The following CRTAM variants were observed in gnomAD, a reference collection of about 807,000 sequenced individuals.
CRTAM encodes the protein cytotoxic and regulatory T-cell molecule.
CRTAM carries 44 observed loss-of-function variants against 50.0 expected under a neutral mutation model. That is an observed-to-expected ratio of 0.88 (90% confidence interval 0.69 to 1.13). CRTAM has a LOEUF of 1.13. Ranked by LOEUF, CRTAM falls within the 50% of genes most tolerant of loss-of-function variation. The probability of loss-of-function intolerance (pLI) is 0.00; values close to 1 mark genes in which losing one functional copy is unlikely to be tolerated. For missense variants in CRTAM, 448 were observed against 457.5 expected, an observed-to-expected ratio of 0.98 and a Z score of 0.19; for synonymous variants, 159 against 169.3, an observed-to-expected ratio of 0.94 and a Z score of 0.47.
chr11:122,849,028 C>T (rs934160335), intron 1 of CRTAM, among the ~76,000 whole-genome samples: 4 of 152,132 alleles, frequency 2.6e-5, no homozygotes, highest in Non-Finnish European at 5.9e-5. Context: ...AGAAATTAGA[C>T]TTGTGTTTGT....
chr11:122,864,598 T>C (rs766736698), intron 6 of CRTAM, 38 bp from the exon 7 acceptor site: 1 of 1,422,474 alleles, frequency 7.0e-7, no homozygotes, highest in Non-Finnish European at 9.9e-7. Flanking sequence ...ATGTATATAA[T>C]GCATGCATAG....
intron 7 of CRTAM, among the ~76,000 whole-genome samples, chr11:122,866,125 C>A (rs923352952): frequency 1.7e-4 from 26 of 152,156 alleles, no homozygotes; most frequent in Admixed American, 1.7e-3. Context: ...CATTAGGTGC[C>A]ATCTATTACC....
At chr11:122,860,888 G>C (rs948124176) in intron 5 of CRTAM, among the ~76,000 whole-genome samples, 1 of 152,108 alleles carries the variant, frequency 6.6e-6, no homozygotes, top group Admixed American at 6.5e-5. Context: ...GTAGAGATGG[G>C]GTCTTGCCAT....
At chr11:122,864,236 A>G (rs1040022995) in intron 6 of CRTAM, among the ~76,000 whole-genome samples, 1 of 152,202 alleles carries the variant, frequency 6.6e-6, no homozygotes, top group African/African-American at 2.4e-5. Flanking sequence ...GGATGGAAAT[A>G]TGAAATAATG....
chr11:122,851,266 T>TAAA (rs11287824), intron 2 of CRTAM, among the ~76,000 whole-genome samples: 1 of 138,678 alleles, frequency 7.2e-6, no homozygotes, highest in Non-Finnish European at 1.6e-5. Context: ...ACTCTGTCTC[T>TAAA]AAAAAAAAAA....
At chr11:122,853,751 G>T (rs951096055) in intron 3 of CRTAM, among the ~76,000 whole-genome samples, 192 bp from the exon 4 acceptor site, 2 of 151,908 alleles carry the variant, frequency 1.3e-5, no homozygotes, top group African/African-American at 4.8e-5. Flanking sequence ...CTGGGAGGTG[G>T]CGGTTTCAGT....
chr11:122,864,432 C>T (rs746496851), intron 6 of CRTAM, among the ~76,000 whole-genome samples: 1 of 152,104 alleles, frequency 6.6e-6, no homozygotes, highest in African/African-American at 2.4e-5. Flanking sequence ...ATGCCCAAAA[C>T]ATTTACCTTA....
chr11:122,851,943 G>C, intron 3 of CRTAM, 98 bp downstream of exon 3: 1 of 1,148,736 alleles, frequency 8.7e-7, no homozygotes. Flanking sequence ...ATGTTGCCTA[G>C]AGCAAGGAAT....
At chr11:122,863,511 A>C (rs1862127011) in intron 6 of CRTAM, among the ~76,000 whole-genome samples, 4 of 152,220 alleles carry the variant, frequency 2.6e-5, no homozygotes, top group Admixed American at 2.6e-4. Context: ...AAGGGCTTTC[A>C]GAGCATTATC....
chr11:122,863,251 G>GAGAGAA (rs1565292584), intron 6 of CRTAM, among the ~76,000 whole-genome samples: 2 of 71,390 alleles, frequency 2.8e-5, no homozygotes, highest in Non-Finnish European at 5.6e-5. Context: ...GAAAGAAAGA[G>GAGAGAA]AGAAAGAAAA....
Position 122,867,411 on chromosome 11 carries a change from G to A in CRTAM, c.820G>A (p.Ala274Thr), listed in dbSNP as rs200352597. Residue 274 changes from alanine (A) to threonine (T), a missense_variant and splice_region_variant, in exon 8 of 10, where the codon GCA becomes ACA. By Grantham distance (58) the Ala-to-Thr change is moderately conservative. Transcript: ENST00000227348. ...CTCCTTTTTCATTTTCCTTATAGAAGCAAATCCTCAGTATTTAGGACTGGC... is the reference window on the plus strand; with the variant it reads ...CTCCTTTTTCATTTTCCTTATAGAAACAAATCCTCAGTATTTAGGACTGGC... ...TTQDPDLTTE[A>T]NPQYLGLARK... is the part of the protein sequence containing the mutation. The A allele has an allele frequency of 4.4e-6, 7 of 1,605,308 alleles. No homozygotes were observed. The highest frequency in any genetic ancestry group is 1.1e-5 in the South Asian group (1 of 89,120).
At chr11:122,851,636 G>C in intron 2 of CRTAM, 57 bp from the exon 3 acceptor site, 1 of 1,529,622 alleles carries the variant, frequency 6.5e-7, no homozygotes, top group South Asian at 1.1e-5. Flanking sequence ...ACTGGGTAGA[G>C]GCCAACGATT....
At chr11:122,859,307 C>T (rs1036672606) in intron 5 of CRTAM, among the ~76,000 whole-genome samples, 3 of 151,946 alleles carry the variant, frequency 2.0e-5, no homozygotes, top group Admixed American at 1.3e-4. Context: ...CATGGGGTTT[C>T]GCCATGTTGG....
intron 2 of CRTAM, among the ~76,000 whole-genome samples, 193 bp downstream of exon 2, chr11:122,850,407 T>C (rs1861916058): frequency 6.6e-6 from 1 of 152,138 alleles, no homozygotes; most frequent in East Asian, 1.9e-4. Context: ...GCAGGAACTG[T>C]GAAATGGAAA....
intron 6 of CRTAM, among the ~76,000 whole-genome samples, chr11:122,863,815 T>C (rs1862131126): frequency 6.6e-6 from 1 of 152,208 alleles, no homozygotes; most frequent in African/African-American, 2.4e-5. Context: ...ATAGGGTTTC[T>C]AAAATTCCTT....
chr11:122,841,637 T>G (rs1272209933), intron 1 of CRTAM, among the ~76,000 whole-genome samples: 9 of 152,114 alleles, frequency 5.9e-5, no homozygotes, highest in Non-Finnish European at 1.0e-4. Flanking sequence ...CCTGATCTCA[T>G]GATCCGCCTG....
chr11:122,851,806 G>A lies in CRTAM; in HGVS notation c.307G>A (p.Asp103Asn), dbSNP rs1349327784. Residue 103 changes from aspartate to asparagine, a missense_variant, in exon 3 of 10, where the codon GAC (aspartate) becomes AAC (asparagine). Asp to Asn is a conservative substitution (Grantham distance 23). Coordinates refer to ENST00000227348, the MANE Select transcript of CRTAM (RefSeq NM_019604.4). ...EGVYKCLHYSDSVSTKEVKVI... is the reference protein window; with the variant it reads ...EGVYKCLHYSNSVSTKEVKVI... Reference sequence around the variant, plus strand: ...CGTGTACAAGTGCTTACATTACAGCGACTCTGTAAGCACAAAGGAAGTGAA... The same window carrying A: ...CGTGTACAAGTGCTTACATTACAGCAACTCTGTAAGCACAAAGGAAGTGAA... 2 of 1,614,004 alleles carry A rather than the reference G, an allele frequency of 1.2e-6. No individual in the cohort carries two copies. Among genetic ancestry groups the A allele is most frequent in the African/African-American group, 2.7e-5 (2 of 74,900 alleles).
intron 1 of CRTAM, among the ~76,000 whole-genome samples, chr11:122,849,661 G>C (rs1861905869): frequency 6.6e-6 from 1 of 152,088 alleles, no homozygotes; most frequent in Non-Finnish European, 1.5e-5. Flanking sequence ...GGCGGAGGAT[G>C]TAGTGAGCTG....
At position 122,851,785 on chromosome 11, in the gene CRTAM, T is replaced by G. The variant is rs1459269894; in HGVS notation, c.286T>G (p.Tyr96Asp). 1 of 1,614,150 alleles carries G rather than the reference T, an allele frequency of 6.2e-7. No individual in the cohort carries two copies. Among genetic ancestry groups the G allele is most frequent in the Non-Finnish European group, 8.5e-7 (1 of 1,179,996 alleles). Residue 96 changes from tyrosine to aspartate, a missense_variant, in exon 3 of 10, where the codon TAC becomes GAC. Physicochemically the swap from Tyr to Asp is radical, Grantham distance 160 (BLOSUM62 -3). Coordinates refer to ENST00000227348, the MANE Select transcript of CRTAM (RefSeq NM_019604.4). ...CGTAACCCTGCAAGATGAAGGCGTG[T>G]ACAAGTGCTTACATTACAGCGACTC... ...PNVTLQDEGVYKCLHYSDSVS... is the reference protein window; with the variant it reads ...PNVTLQDEGVDKCLHYSDSVS...
Sources: allele counts gnomAD v4.1 joint callset (sites outside exome capture counted in the v4.1 genomes callset), GRCh38; gene constraint gnomAD v4.1.1; transcripts MANE v1.5; gene names NCBI Gene and HGNC (gene_info 2026-07-23, HGNC 2026-07-21).